The following CALCRL variants were observed in gnomAD, a reference collection of about 807,000 sequenced individuals.
CALCRL encodes the protein calcitonin gene-related peptide type 1 receptor.
CALCRL carries 27 observed loss-of-function variants against 60.4 expected under a neutral mutation model. That is an observed-to-expected ratio of 0.45 (90% CI 0.33 to 0.62). The LOEUF (loss-of-function observed/expected upper bound fraction) is 0.62, where lower values mean the gene tolerates loss of function less well. CALCRL is among the 20% of genes least tolerant of loss of function. The pLI is 0.03. For synonymous variants in CALCRL, 190 were observed against 182.6 expected, an observed-to-expected ratio of 1.04 and a Z score of -0.33; for missense variants, 424 against 540.7, an observed-to-expected ratio of 0.78 and a Z score of 2.14.
At chr2:187,422,723 T>C (rs1210352009) in intron 1 of CALCRL, among the ~76,000 whole-genome samples, 2 of 151,968 alleles carry the variant, frequency 1.3e-5, no homozygotes, top group Non-Finnish European at 2.9e-5. Flanking sequence ...ATTGTGTTGC[T>C]GATAACTTCT....
At chr2:187,368,593 T>C (rs1409628927) in intron 8 of CALCRL, among the ~76,000 whole-genome samples, 1 of 152,132 alleles carries the variant, frequency 6.6e-6, no homozygotes, top group African/African-American at 2.4e-5. Flanking sequence ...GCCACTAGTA[T>C]GGACAATAAC....
intron 9 of CALCRL, among the ~76,000 whole-genome samples, chr2:187,363,149 A>C (rs1422986513): frequency 6.6e-6 from 1 of 152,176 alleles, no homozygotes; most frequent in Non-Finnish European, 1.5e-5. Flanking sequence ...AATACTGAGA[A>C]TACTCTGAGG....
chr2:187,354,219 A>G (rs73979866), intron 12 of CALCRL, among the ~76,000 whole-genome samples: 6,340 of 152,116 alleles, frequency 0.042, 289 homozygotes, highest in East Asian at 0.18. Flanking sequence ...CATAGCTAGT[A>G]GGCCCATCAG....
In CALCRL at chr2:187,343,196, A is replaced by C. The variant is rs1488287524; in HGVS notation, c.*2988T>G. 1.3e-5 allele frequency: 2 copies of C among 151,482 alleles called. No individual in the cohort carries two copies. Among genetic ancestry groups the C allele is most frequent in the Non-Finnish European group, 3.0e-5 (2 of 67,550 alleles). The allele number at this position is 151,482 out of a possible 1,614,324, so 9.4% of individuals were successfully genotyped here. A position where few individuals can be genotyped will look rare whatever the true frequency, so the allele number is the denominator to read the frequency against. On this transcript the variant is annotated 3_prime_UTR_variant, in exon 15 of 15. Transcript: ENST00000392370. The stretch of plus-strand genomic sequence containing the variant: ...AGAGGGCAAAAGATATATTTTGTTA[A>C]GAGATTTGTTAATTTTGAGAAGTAT...
chr2:187,373,265 G>A (rs1687610700), intron 8 of CALCRL, among the ~76,000 whole-genome samples: 1 of 152,010 alleles, frequency 6.6e-6, no homozygotes, highest in African/African-American at 2.4e-5. Flanking sequence ...AATTCTAGTG[G>A]CATATCTGGT....
intron 1 of CALCRL, among the ~76,000 whole-genome samples, chr2:187,395,164 G>A (rs1320599773): frequency 2.0e-5 from 3 of 151,998 alleles, no homozygotes; most frequent in Admixed American, 2.0e-4. Context: ...AAGATGCTTA[G>A]GTCTGACTCC....
Position 187,385,634 on chromosome 2 carries a change from G to A in CALCRL, c.-36-3C>T. ...TGAAATATGCTGTATAACATAAACT[G>A]CAACAGAAAATAAAAGAAATATAAT... On this transcript the variant is annotated splice_region_variant and splice_polypyrimidine_tract_variant and intron_variant, in intron 3 of 14. Coordinates refer to ENST00000392370, the MANE Select transcript of CALCRL (RefSeq NM_005795.6). 7.2e-7 allele frequency: 1 copy of A among 1,397,938 alleles called. No individual in the cohort carries two copies. Among genetic ancestry groups the A allele is most frequent in the Non-Finnish European group, 9.8e-7 (1 of 1,016,912 alleles). The allele number at this position is 1,397,938 out of a possible 1,614,324, so 86.6% of individuals were successfully genotyped here. A position where few individuals can be genotyped will look rare whatever the true frequency, so the allele number is the denominator to read the frequency against.
At chr2:187,385,437 T>G in intron 4 of CALCRL, 108 bp downstream of exon 4, 1 of 625,992 alleles carries the variant, frequency 1.6e-6, no homozygotes, top group Non-Finnish European at 2.8e-6. Context: ...CAATTGGATA[T>G]AAAAATGTAA....
At chr2:187,403,978 A>T (rs2105830654) in intron 1 of CALCRL, among the ~76,000 whole-genome samples, 1 of 152,078 alleles carries the variant, frequency 6.6e-6, no homozygotes, top group South Asian at 2.1e-4. Flanking sequence ...GTGAAAAAAG[A>T]TGGCAAATCC....
chr2:187,402,206 T>A (rs148440282), intron 1 of CALCRL, among the ~76,000 whole-genome samples: 1,647 of 151,818 alleles, frequency 0.011, 37 homozygotes, highest in African/African-American at 0.038. Context: ...ATTCAAACAT[T>A]TATTTAAAAC....
intron 1 of CALCRL, among the ~76,000 whole-genome samples, chr2:187,444,047 G>A (rs1691051350): frequency 6.6e-6 from 1 of 151,578 alleles, no homozygotes; most frequent in Admixed American, 6.6e-5. Context: ...TGACTGCACT[G>A]TAAGGAGATG....
At chr2:187,368,956 A>G (rs1399560182) in intron 8 of CALCRL, among the ~76,000 whole-genome samples, 1 of 152,186 alleles carries the variant, frequency 6.6e-6, no homozygotes, top group African/African-American at 2.4e-5. Context: ...ACATGTTTAC[A>G]TATGAGAAGT....
At chr2:187,438,655 C>A (rs1321545887) in intron 1 of CALCRL, among the ~76,000 whole-genome samples, 2 of 151,896 alleles carry the variant, frequency 1.3e-5, no homozygotes, top group African/African-American at 4.8e-5. Flanking sequence ...CCAGTTTCAA[C>A]AAGAATTCTG....
chr2:187,381,464 CT>C (rs572106327), intron 5 of CALCRL, among the ~76,000 whole-genome samples: 37 of 146,642 alleles, frequency 2.5e-4, no homozygotes, highest in Non-Finnish European at 2.4e-4. Context: ...AAGTAATTTT[CT>C]TTTTTTTTTT....
intron 1 of CALCRL, among the ~76,000 whole-genome samples, chr2:187,426,633 A>G (rs1261065775): frequency 6.6e-6 from 1 of 152,080 alleles, no homozygotes; most frequent in Non-Finnish European, 1.5e-5. Context: ...ATTCACTGAT[A>G]TATATTAGAT....
intron 8 of CALCRL, 79 bp from the exon 9 acceptor site, chr2:187,363,581 C>A: frequency 7.6e-7 from 1 of 1,317,838 alleles, no homozygotes; most frequent in Non-Finnish European, 1.0e-6. Context: ...GATACATTCC[C>A]AATTCATAGC....
At chr2:187,380,260 A>G (rs1687930123) in intron 7 of CALCRL, among the ~76,000 whole-genome samples, 1 of 152,224 alleles carries the variant, frequency 6.6e-6, no homozygotes, top group Non-Finnish European at 1.5e-5. Flanking sequence ...ACTATTACCT[A>G]AAAGGATTGC....
rs1299562187 is a variant in CALCRL at position 187,408,491 on chromosome 2, A to G, written c.-292-20735T>C. Reference sequence around the variant, plus strand: ...TTCATAAAATTATATTATGTACTACATATCTTTCCTTTAAAACATTACGAT... The same window carrying G: ...TTCATAAAATTATATTATGTACTACGTATCTTTCCTTTAAAACATTACGAT... On this transcript the variant is annotated intron_variant, in intron 1 of 14. Coordinates refer to ENST00000392370, the MANE Select transcript of CALCRL (RefSeq NM_005795.6). Among the ~76,000 whole-genome samples, 8 of 152,102 alleles carry G rather than the reference A, an allele frequency of 5.3e-5. 1 individual carries two copies. The highest frequency in any genetic ancestry group is 1.0e-4 in the Non-Finnish European group (7 of 67,948).
intron 1 of CALCRL, among the ~76,000 whole-genome samples, chr2:187,414,197 A>G (rs1313290319): frequency 6.6e-6 from 1 of 152,058 alleles, no homozygotes; most frequent in Non-Finnish European, 1.5e-5. Context: ...TATTTTATTT[A>G]TGTACATATT....
Sources: gnomAD v4.1 joint callset for allele counts (sites outside exome capture counted in the v4.1 genomes callset) on GRCh38, gnomAD v4.1.1 for gene constraint, MANE v1.5 for transcripts, NCBI Gene and HGNC (gene_info 2026-07-23, HGNC 2026-07-21) for gene names.